ZNF420: variants seen among roughly 807,000 people sequenced by gnomAD.
ZNF420 encodes the protein zinc finger protein 420, also known as ATM and p53-associated KZNF protein.
In ZNF420, 31 loss-of-function variants were observed where a neutral mutation model predicts 44.7. The ratio of observed to expected loss-of-function variants is 0.69; its 90% CI spans 0.52 to 0.94. The LOEUF (loss-of-function observed/expected upper bound fraction) is 0.94. Among genes scored for constraint, ZNF420 ranks in the 40% least tolerant of loss-of-function variants. The probability of loss-of-function intolerance (pLI) is 0.00; values close to 1 mark genes in which losing one functional copy is unlikely to be tolerated. For missense variants in ZNF420, 681 were observed against 827.9 expected (o/e 0.82, Z 2.18); for synonymous variants, 245 against 267.4 (o/e 0.92, Z 0.82).
chr19:37,128,228 C>A lies in ZNF420; in HGVS notation c.1237C>A (p.His413Asn). The A allele has an allele frequency of 6.2e-7, 1 of 1,614,086 alleles. No homozygotes were observed. Among genetic ancestry groups the A allele is most frequent in the Non-Finnish European group, 8.5e-7 (1 of 1,179,988 alleles). The part of the protein sequence containing the change: ...GSQLTQHQRI[H>N]TGEKPYQCKE... ...ACAACTTACTCAACATCAGAGAATA[C>A]ACACTGGTGAGAAACCCTATCAATG... is the stretch of plus-strand genomic sequence containing the variant. The change falls in exon 5 of 5, where the codon CAC (histidine) becomes AAC (asparagine). Residue 413 changes from histidine to asparagine, a missense_variant. His to Asn is a moderately conservative substitution (Grantham distance 68). Coordinates refer to ENST00000337995, the MANE Select transcript of ZNF420 (RefSeq NM_144689.5).
chr19:37,124,696 T>C (rs912042514), intron 4 of ZNF420, among the ~76,000 whole-genome samples: 6 of 152,146 alleles, frequency 3.9e-5, no homozygotes, highest in African/African-American at 1.4e-4. Flanking sequence ...AGCCAGAGTC[T>C]CGCTCTGTTG....
In ZNF420 at chr19:37,042,263, C is replaced by T. The variant is rs1034870590; in HGVS notation, c.-125+34181C>T. On this transcript the variant is annotated intron_variant, in intron 1 of 4. Transcript: ENST00000587029. ...CCACCTGCCTCAGCCTCCCAAAGTG[C>T]TGGGATTACAGGCGTGAGCCACTGC... Among the ~76,000 whole-genome samples the T allele has an allele frequency of 5.3e-5, 8 of 152,228 alleles. No individual in the cohort carries two copies. The East Asian group carries it at 1.5e-3, about 29-fold the overall frequency.
At chr19:37,021,936 C>CAAAAAAAAAAAAAAAAAAA (rs60559933) in intron 1 of ZNF420, among the ~76,000 whole-genome samples, 2 of 84,586 alleles carry the variant, frequency 2.4e-5, no homozygotes, top group Non-Finnish European at 4.5e-5. Flanking sequence ...CAGTCTGTCT[C>CAAAAAAAAAAAAAAAAAAA]AAAAAAAAAA....
intron 2 of ZNF420, among the ~76,000 whole-genome samples, chr19:37,081,505 A>AT (rs34091203): frequency 0.34 from 46,219 of 135,292 alleles, 8,113 homozygotes; most frequent in Admixed American, 0.37. Context: ...TGCTTCATGT[A>AT]TTTTTTTTTT....
intron 1 of ZNF420, among the ~76,000 whole-genome samples, chr19:37,052,913 TGCTAGATTGG>T (rs917141170): frequency 6.6e-6 from 1 of 152,212 alleles, no homozygotes; most frequent in Non-Finnish European, 1.5e-5. Flanking sequence ...TGGCCTGCCT[TGCTAGATTGG>T]GGAAGTTCCC....
intron 4 of ZNF420, among the ~76,000 whole-genome samples, chr19:37,110,858 C>G (rs564664911): frequency 1.3e-5 from 2 of 152,204 alleles, no homozygotes; most frequent in South Asian, 4.1e-4. Context: ...TAGGTAAAAT[C>G]CAAGTAGTCA....
At chr19:37,080,242 T>C (rs1281752403) in intron 1 of ZNF420, 103 bp from the exon 2 acceptor site, 2 of 152,652 alleles carry the variant, frequency 1.3e-5, no homozygotes, top group African/African-American at 4.8e-5. Flanking sequence ...TTTCTTTATG[T>C]TAAATGAGAT....
Position 37,070,917 on chromosome 19 carries a change from G to A in ZNF420, c.-124-9428G>A, listed in dbSNP as rs149918499. Reference sequence around the variant, plus strand: ...TTAGCAAACTATGGCCCACAGGCTAGATCCTGCCTTGGCATAAAGTTTCAC... The same window carrying A: ...TTAGCAAACTATGGCCCACAGGCTAAATCCTGCCTTGGCATAAAGTTTCAC... On this transcript the variant is annotated intron_variant, in intron 1 of 4. Coordinates refer to the ZNF420 transcript ENST00000587029. Among the ~76,000 whole-genome samples, 501 of 152,306 alleles carry A rather than the reference G, an allele frequency of 3.3e-3. 5 individuals carry two copies. The highest frequency in any genetic ancestry group is 0.012 in the African/African-American group (479 of 41,572).
intron 4 of ZNF420, among the ~76,000 whole-genome samples, chr19:37,097,509 T>G (rs1969526789): frequency 6.6e-6 from 1 of 152,192 alleles, no homozygotes; most frequent in Admixed American, 6.5e-5. Context: ...TTATCTTTTC[T>G]CAAACTTTAT....
chr19:37,037,918 C>A (rs370216510), intron 1 of ZNF420, among the ~76,000 whole-genome samples: 1 of 152,074 alleles, frequency 6.6e-6, no homozygotes, highest in East Asian at 1.9e-4. Context: ...ATGCCTGTAC[C>A]CCTAAAAGAA....
At chr19:37,019,197 C>G (rs1054886153) in intron 1 of ZNF420, among the ~76,000 whole-genome samples, 4 of 152,178 alleles carry the variant, frequency 2.6e-5, no homozygotes, top group African/African-American at 9.6e-5. Flanking sequence ...CCACAGACTT[C>G]AGAGACTTCA....
intron 1 of ZNF420, among the ~76,000 whole-genome samples, 196 bp from the exon 2 acceptor site, chr19:37,080,149 T>TA (rs1361775416): frequency 6.6e-6 from 1 of 152,104 alleles, no homozygotes; most frequent in African/African-American, 2.4e-5. Flanking sequence ...AATACAGAAA[T>TA]AAATTCAAGC....
At chr19:37,042,665 T>C (rs1967476351) in intron 1 of ZNF420, among the ~76,000 whole-genome samples, 1 of 152,242 alleles carries the variant, frequency 6.6e-6, no homozygotes, top group Non-Finnish European at 1.5e-5. Flanking sequence ...CTAGGCACTA[T>C]CCGTAGTAAT....
intron 1 of ZNF420, among the ~76,000 whole-genome samples, chr19:37,052,383 G>T (rs4006423): frequency 0.51 from 76,706 of 151,092 alleles, 20,003 homozygotes; most frequent in African/African-American, 0.58. Context: ...TATTGTTATG[G>T]GTGAATTTGA....
intron 1 of ZNF420, among the ~76,000 whole-genome samples, chr19:37,019,974 T>A (rs1031378710): frequency 6.6e-6 from 1 of 151,930 alleles, no homozygotes; most frequent in Non-Finnish European, 1.5e-5. Flanking sequence ...TCTCAGCACT[T>A]TGGGAGGCTG....
Position 37,129,153 on chromosome 19 carries a change from A to G in ZNF420, c.*95A>G. On this transcript the variant is annotated 3_prime_UTR_variant, in exon 5 of 5. Transcript: ENST00000337995. The stretch of plus-strand genomic sequence containing the variant: ...GTGAATATGGGCGCACATTTGCCTC[A>G]TAAAGCACAGCATCAGATAATTTAT... The G allele has an allele frequency of 7.0e-7, 1 of 1,429,390 alleles. No homozygotes were observed. Among genetic ancestry groups the G allele is most frequent in the Non-Finnish European group, 9.4e-7 (1 of 1,058,452 alleles). The allele number at this position is 1,429,390 out of a possible 1,614,324, so 88.5% of individuals were successfully genotyped here. A position where few individuals can be genotyped will look rare whatever the true frequency, so the allele number is the denominator to read the frequency against.
intron 1 of ZNF420, among the ~76,000 whole-genome samples, chr19:37,012,810 GTGTC>G (rs1479711699): frequency 2.1e-5 from 3 of 142,068 alleles, no homozygotes; most frequent in African/African-American, 8.8e-5. Flanking sequence ...GTGTGTGTGT[GTGTC>G]TCCCATTCTC....
exon 1 of ZNF420, chr19:37,008,000 A>G: frequency 5.2e-6 from 1 of 193,740 alleles, no homozygotes; most frequent in South Asian, 8.1e-5. Context: ...CGCAGAGGGC[A>G]GAGCAGGATG....
intron 4 of ZNF420, among the ~76,000 whole-genome samples, chr19:37,108,051 A>C (rs1970190726): frequency 2.6e-5 from 4 of 152,094 alleles, no homozygotes; most frequent in African/African-American, 9.7e-5. Flanking sequence ...CTCCCATCCA[A>C]ATGACAGTCT....
Sources: allele counts gnomAD v4.1 joint callset (sites outside exome capture counted in the v4.1 genomes callset), GRCh38; gene constraint gnomAD v4.1.1; transcripts MANE v1.5; gene names NCBI Gene and HGNC (gene_info 2026-07-23, HGNC 2026-07-21).